The following ADTRP variants were observed in gnomAD, a reference collection of about 807,000 sequenced individuals.
ADTRP encodes the protein androgen-dependent TFPI-regulating protein.
ADTRP carries 20 observed loss-of-function variants against 27.0 expected under a neutral mutation model. The ratio of observed to expected loss-of-function variants is 0.74; its 90% CI spans 0.52 to 1.08. The LOEUF is 1.08. Ranked by LOEUF, ADTRP falls within the 50% of genes least tolerant of loss-of-function variation. The pLI is 0.00. For missense variants in ADTRP, 251 were observed against 275.0 expected (o/e 0.91, Z 0.62); for synonymous variants, 101 against 105.2 (o/e 0.96, Z 0.25).
At chr6:11,741,095 T>C (rs1379640585) in intron 3 of ADTRP, among the ~76,000 whole-genome samples, 2 of 152,120 alleles carry the variant, frequency 1.3e-5, no homozygotes, top group Non-Finnish European at 1.5e-5. Context: ...GAGGAAGGGA[T>C]TGGGGAGCGA....
chr6:11,746,684 G>A (rs991324180), intron 3 of ADTRP, among the ~76,000 whole-genome samples: 10 of 152,202 alleles, frequency 6.6e-5, no homozygotes, highest in Admixed American at 6.5e-4. Context: ...GAACTATTTA[G>A]GAGAGATGTG....
At chr6:11,750,269 T>C (rs773423254) in intron 3 of ADTRP, among the ~76,000 whole-genome samples, 23 of 152,190 alleles carry the variant, frequency 1.5e-4, no homozygotes, top group Non-Finnish European at 2.9e-4. Flanking sequence ...TGGTTTCTGG[T>C]TAAATCCCTG....
intron 3 of ADTRP, among the ~76,000 whole-genome samples, chr6:11,743,337 C>T (rs996393500): frequency 6.6e-6 from 1 of 152,190 alleles, no homozygotes; most frequent in African/African-American, 2.4e-5. Context: ...ACTGTAGGAT[C>T]GAGTCTTTAA....
chr6:11,721,377 CA>C (rs1350505161), intron 5 of ADTRP, among the ~76,000 whole-genome samples: 12 of 152,186 alleles, frequency 7.9e-5, no homozygotes, highest in African/African-American at 2.9e-4. Flanking sequence ...GGACTTTCTT[CA>C]GTCAATTGGG....
chr6:11,728,868 A>G (rs1762298635), intron 4 of ADTRP, among the ~76,000 whole-genome samples: 1 of 152,160 alleles, frequency 6.6e-6, no homozygotes. Context: ...AAATGTACCC[A>G]GTGGCCTTTC....
At chr6:11,770,952 C>A (rs1473342210) in intron 1 of ADTRP, among the ~76,000 whole-genome samples, 8 of 152,196 alleles carry the variant, frequency 5.3e-5, no homozygotes, top group African/African-American at 1.7e-4. Context: ...TGAGCCTGGG[C>A]CAGGCCTTCC....
chr6:11,716,782 T>C (rs1337829752), intron 5 of ADTRP, among the ~76,000 whole-genome samples: 1 of 150,374 alleles, frequency 6.7e-6, no homozygotes, highest in Non-Finnish European at 1.5e-5. Flanking sequence ...TGGTGTGATC[T>C]TGGCTCACTG....
chr6:11,766,122 T>C, intron 3 of ADTRP, 152 bp downstream of exon 3: 1 of 521,218 alleles, frequency 1.9e-6, no homozygotes, highest in Non-Finnish European at 3.4e-6. Flanking sequence ...TTGTGTTCAT[T>C]TCATACCTTC....
At position 11,748,284 on chromosome 6, in the gene ADTRP, C is replaced by T. The variant is rs77746608; in HGVS notation, c.391-12601G>A. Among the ~76,000 whole-genome samples, 636 of 152,294 alleles carry T rather than the reference C, an allele frequency of 4.2e-3. 3 individuals carry two copies. The highest frequency in any genetic ancestry group is 0.017 in the Middle Eastern group (5 of 294). On this transcript the variant is annotated intron_variant, in intron 3 of 5. Coordinates refer to ENST00000414691, the MANE Select transcript of ADTRP (RefSeq NM_032744.4). ...CCAAATATACAGTGTCAGCTACAGA[C>T]GCTGACACTTGGGTTGCTAAAGGCT...
intron 5 of ADTRP, chr6:11,717,203 T>G (rs1431465139): frequency 8.8e-7 from 1 of 1,140,684 alleles, no homozygotes; most frequent in East Asian, 6.2e-5. Context: ...GAAAGTATCC[T>G]AGTTGGCAGA....
intron 3 of ADTRP, among the ~76,000 whole-genome samples, chr6:11,748,815 G>C (rs997404364): frequency 1.6e-4 from 25 of 152,164 alleles, no homozygotes; most frequent in African/African-American, 6.0e-4. Flanking sequence ...AGAGCTGCAG[G>C]GCACAGTAAA....
chr6:11,746,900 T>A (rs1328655618), intron 3 of ADTRP, among the ~76,000 whole-genome samples: 1 of 152,150 alleles, frequency 6.6e-6, no homozygotes, highest in Non-Finnish European at 1.5e-5. Context: ...TTCTTGGATG[T>A]GGAGCCAGGA....
intron 5 of ADTRP, among the ~76,000 whole-genome samples, chr6:11,718,619 C>T (rs889595009): frequency 6.6e-6 from 1 of 152,136 alleles, no homozygotes; most frequent in African/African-American, 2.4e-5. Flanking sequence ...GACAGCTTCC[C>T]CCATCTGCTT....
intron 1 of ADTRP, among the ~76,000 whole-genome samples, chr6:11,771,755 G>T (rs112124733): frequency 0.013 from 1,971 of 152,254 alleles, 23 homozygotes; most frequent in Non-Finnish European, 0.023. Flanking sequence ...ATGAGGTCAC[G>T]ATGGTGCACC....
chr6:11,768,957 C>G (rs767983807), intron 1 of ADTRP, among the ~76,000 whole-genome samples: 5 of 151,762 alleles, frequency 3.3e-5, no homozygotes, highest in Non-Finnish European at 5.9e-5. Context: ...ACCTGCAGGC[C>G]TCACCGAGAC....
intron 1 of ADTRP, among the ~76,000 whole-genome samples, chr6:11,772,453 G>T (rs1345168787): frequency 6.6e-6 from 1 of 152,168 alleles, no homozygotes; most frequent in Non-Finnish European, 1.5e-5. Context: ...CTTATCTCTT[G>T]CCTTTAAGCC....
In ADTRP at chr6:11,758,463, C is replaced by G. The variant is rs375296047; in HGVS notation, c.390+7811G>C. Among the ~76,000 whole-genome samples the G allele has an allele frequency of 6.1e-5, 9 of 148,066 alleles. No individual in the cohort carries two copies. The East Asian group carries it at 1.4e-3, about 23-fold the overall frequency. On this transcript the variant is annotated intron_variant, in intron 3 of 5. Transcript: ENST00000414691. The stretch of plus-strand genomic sequence containing the variant: ...TTTTTTTTCATTCTCAGCAAACTAT[C>G]GCAAGGACAAAAAACCAAACACCGC...
At chr6:11,725,474 G>A (rs1029398144) in intron 4 of ADTRP, among the ~76,000 whole-genome samples, 10 of 152,162 alleles carry the variant, frequency 6.6e-5, no homozygotes, top group African/African-American at 2.4e-4. Flanking sequence ...ATGACAGTGA[G>A]ATATTGTCTT....
At chr6:11,733,605 T>C (rs1762453676) in intron 4 of ADTRP, among the ~76,000 whole-genome samples, 1 of 152,244 alleles carries the variant, frequency 6.6e-6, no homozygotes, top group African/African-American at 2.4e-5. Flanking sequence ...CCTATCACCC[T>C]GTCTCCCACT....
Sources: gnomAD v4.1 joint callset for allele counts (sites outside exome capture counted in the v4.1 genomes callset) on GRCh38, gnomAD v4.1.1 for gene constraint, MANE v1.5 for transcripts, NCBI Gene and HGNC (gene_info 2026-07-23, HGNC 2026-07-21) for gene names.